The following AFG2A variants were observed in gnomAD, a reference collection of about 807,000 sequenced individuals.
AFG2A encodes the protein ATPase family gene 2 protein homolog A.
chr4:123,246,156 TTTTATC>T, the AFG2A span, among the ~76,000 whole-genome samples: 1 of 152,252 alleles, frequency 6.6e-6, no homozygotes, highest in Non-Finnish European at 1.5e-5. Context: ...ATAAATGCTT[TTTTATC>T]TTTATCTCCC....
At chr4:123,057,118 G>C in the AFG2A span, 1 of 1,332,450 alleles carries the variant, frequency 7.5e-7, no homozygotes, top group Non-Finnish European at 1.1e-6. Context: ...TACCTAATAG[G>C]TTTGGTTCTA....
chr4:122,974,647 C>CT, the AFG2A span, among the ~76,000 whole-genome samples: 783 of 149,114 alleles, frequency 5.3e-3, 5 homozygotes, highest in African/African-American at 0.018. Flanking sequence ...GTGGAAAACT[C>CT]TTTTTTTTTT....
the AFG2A span, among the ~76,000 whole-genome samples, chr4:123,005,597 C>T: frequency 6.6e-6 from 1 of 151,990 alleles, no homozygotes; most frequent in Non-Finnish European, 1.5e-5. Flanking sequence ...GATTTTAGAT[C>T]TTTCTTCTTT....
chr4:123,207,445 C>T, the AFG2A span, among the ~76,000 whole-genome samples: 1 of 152,108 alleles, frequency 6.6e-6, no homozygotes, highest in Non-Finnish European at 1.5e-5. Context: ...TCCTGGGTAG[C>T]TAGGACTACA....
At chr4:122,982,130 C>T in the AFG2A span, among the ~76,000 whole-genome samples, 4 of 151,984 alleles carry the variant, frequency 2.6e-5, no homozygotes, top group African/African-American at 7.3e-5. Flanking sequence ...TGATGTTAGC[C>T]GTGAGCTTGT....
At chr4:123,077,921 A>G in the AFG2A span, among the ~76,000 whole-genome samples, 1 of 152,230 alleles carries the variant, frequency 6.6e-6, no homozygotes, top group South Asian at 2.1e-4. Context: ...CCTTGCTCAT[A>G]AGACTGAAGA....
the AFG2A span, among the ~76,000 whole-genome samples, chr4:123,232,288 T>A: frequency 1.1e-4 from 16 of 151,934 alleles, no homozygotes; most frequent in Non-Finnish European, 2.2e-4. Flanking sequence ...CTGAGGCACT[T>A]CAACTTTTAA....
chr4:123,215,106 A>T, the AFG2A span, among the ~76,000 whole-genome samples: 7 of 152,116 alleles, frequency 4.6e-5, no homozygotes, highest in African/African-American at 1.7e-4. Context: ...TCATGTTGAT[A>T]TAGAAACATT....
At chr4:123,252,821 C>T in the AFG2A span, among the ~76,000 whole-genome samples, 1 of 152,140 alleles carries the variant, frequency 6.6e-6, no homozygotes, top group Non-Finnish European at 1.5e-5. Context: ...CACTAGTCTG[C>T]TTTTTGCTAC....
chr4:123,063,125 C>T, the AFG2A span, among the ~76,000 whole-genome samples: 5 of 151,968 alleles, frequency 3.3e-5, no homozygotes, highest in African/African-American at 1.2e-4. Flanking sequence ...AATTAGTTTG[C>T]TGTTACTTGA....
the AFG2A span, among the ~76,000 whole-genome samples, chr4:122,944,262 T>G: frequency 2.0e-5 from 3 of 152,020 alleles, no homozygotes; most frequent in Non-Finnish European, 2.9e-5. Context: ...CCCCGTCACT[T>G]TCAAGTACAC....
chr4:123,072,385 T>G, the AFG2A span, among the ~76,000 whole-genome samples: 1 of 152,180 alleles, frequency 6.6e-6, no homozygotes, highest in Non-Finnish European at 1.5e-5. Flanking sequence ...TTCTCCATTT[T>G]CAAGGCTAGA....
the AFG2A span, among the ~76,000 whole-genome samples, chr4:123,137,953 A>G: frequency 6.6e-6 from 1 of 152,138 alleles, no homozygotes; most frequent in South Asian, 2.1e-4. Context: ...AACCCTTACA[A>G]TGATCTAGGT....
chr4:123,026,158 TGGA>T, the AFG2A span, among the ~76,000 whole-genome samples: 3 of 151,722 alleles, frequency 2.0e-5, no homozygotes, highest in African/African-American at 7.3e-5. Flanking sequence ...TCTGTCTGTC[TGGA>T]GGAGAATTGA....
chr4:122,983,087 C>A, the AFG2A span, among the ~76,000 whole-genome samples: 2 of 151,920 alleles, frequency 1.3e-5, no homozygotes, highest in African/African-American at 4.8e-5. Flanking sequence ...AGGCTGGTCT[C>A]AAACTCCTGA....
chr4:123,313,873 T>C, the AFG2A span: 1 of 1,540,492 alleles, frequency 6.5e-7, no homozygotes, highest in Non-Finnish European at 8.7e-7. Flanking sequence ...ATTTACTTAT[T>C]TTTTAAAATT....
At chr4:123,106,496 C>G in the AFG2A span, among the ~76,000 whole-genome samples, 5 of 151,038 alleles carry the variant, frequency 3.3e-5, no homozygotes, top group Non-Finnish European at 5.9e-5. Flanking sequence ...GTGGGGTATA[C>G]CCAAACCACC....
chr4:123,239,670 C>G, the AFG2A span, among the ~76,000 whole-genome samples: 1 of 152,090 alleles, frequency 6.6e-6, no homozygotes, highest in Non-Finnish European at 1.5e-5. Context: ...ACAAGAGCTC[C>G]TGAAGGAAGC....
chr4:123,164,597 AC>A, the AFG2A span, among the ~76,000 whole-genome samples: 7 of 152,078 alleles, frequency 4.6e-5, no homozygotes, highest in Admixed American at 1.3e-4. Context: ...TATATCCCCC[AC>A]TATGTCTAGC....
Sources: allele counts gnomAD v4.1 joint callset (sites outside exome capture counted in the v4.1 genomes callset), GRCh38; gene constraint gnomAD v4.1.1; transcripts MANE v1.5; gene names NCBI Gene and HGNC (gene_info 2026-07-23, HGNC 2026-07-21).